OR2L13: variants seen among roughly 807,000 people sequenced by gnomAD.
OR2L13 encodes olfactory receptor family 2 subfamily L member 13.
A neutral mutation model predicts 15.3 loss-of-function variants in OR2L13; 14 were observed. That is an observed-to-expected ratio of 0.91 (90% CI 0.60 to 1.43). The LOEUF (loss-of-function observed/expected upper bound fraction) is 1.43, where lower values mean the gene tolerates loss of function less well. Among genes scored for constraint, OR2L13 ranks in the 40% most tolerant of loss-of-function variants. The pLI, the probability that OR2L13 is intolerant of heterozygous loss-of-function variation, is 0.00. For synonymous variants in OR2L13, 152 were observed against 142.9 expected (o/e 1.06, Z -0.45); for missense variants, 367 against 387.9 (o/e 0.95, Z 0.45).
the OR2L13 span, chr1:247,949,750 G>A: frequency 1.9e-6 from 3 of 1,613,198 alleles, no homozygotes; most frequent in African/African-American, 2.7e-5. Context: ...GAGGTGATGG[G>A]GGCCCTGACA....
the OR2L13 span, among the ~76,000 whole-genome samples, chr1:247,956,383 C>T: frequency 3.3e-5 from 5 of 151,604 alleles, no homozygotes; most frequent in South Asian, 2.1e-4. Flanking sequence ...AGCGTGATGC[C>T]TCCAGCTTTG....
At chr1:248,061,884 T>G in the OR2L13 span, 1 of 302,508 alleles carries the variant, frequency 3.3e-6, no homozygotes, top group Non-Finnish European at 6.1e-6. Context: ...TTTTTGTTTT[T>G]GGTCATGCAG....
At chr1:248,099,362 A>G in exon 3 of OR2L13, 2 of 1,556,296 alleles carry the variant, frequency 1.3e-6, no homozygotes, top group Non-Finnish European at 1.8e-6. Context: ...CAACAGTTAC[A>G]GCAGAAAGTT....
upstream of OR2L13, among the ~76,000 whole-genome samples, chr1:248,091,352 T>G (rs1209276581): frequency 6.6e-6 from 1 of 152,316 alleles, no homozygotes; most frequent in Non-Finnish European, 1.5e-5. Flanking sequence ...TTGTAAAATC[T>G]TTGCCAGGTC....
At chr1:248,086,464 A>G in the OR2L13 span, among the ~76,000 whole-genome samples, 1 of 152,212 alleles carries the variant, frequency 6.6e-6, no homozygotes, top group Non-Finnish European at 1.5e-5. Context: ...ATATGGTTAT[A>G]GATGAGACTT....
At chr1:247,942,431 G>C in the OR2L13 span, among the ~76,000 whole-genome samples, 1 of 152,110 alleles carries the variant, frequency 6.6e-6, no homozygotes. Flanking sequence ...TACCGAGCTT[G>C]TCTGAGAAAC....
chr1:247,983,221 G>C, the OR2L13 span, among the ~76,000 whole-genome samples: 5,901 of 152,174 alleles, frequency 0.039, 348 homozygotes, highest in African/African-American at 0.13. Context: ...TTGTTATTAG[G>C]ATTAAATCTA....
At chr1:248,074,793 C>A in the OR2L13 span, among the ~76,000 whole-genome samples, 6 of 152,080 alleles carry the variant, frequency 3.9e-5, no homozygotes, top group Non-Finnish European at 8.8e-5. Context: ...TACCATTTAA[C>A]AAAACTGCAC....
exon 3 of OR2L13, chr1:248,099,795 T>C (rs1240263424): frequency 6.2e-7 from 1 of 1,614,132 alleles, no homozygotes; most frequent in Admixed American, 1.7e-5. Context: ...AAATGATGTG[T>C]GTGAAGATGA....
At chr1:248,087,063 C>A in the OR2L13 span, among the ~76,000 whole-genome samples, 1 of 152,100 alleles carries the variant, frequency 6.6e-6, no homozygotes, top group Non-Finnish European at 1.5e-5. Flanking sequence ...GATCACTGTT[C>A]TGGAACATTA....
chr1:248,043,021 A>G, the OR2L13 span, among the ~76,000 whole-genome samples: 7 of 152,194 alleles, frequency 4.6e-5, no homozygotes, highest in Non-Finnish European at 1.0e-4. Flanking sequence ...GCAGTTTCCA[A>G]TATGTGCTTG....
the OR2L13 span, among the ~76,000 whole-genome samples, chr1:248,010,741 T>C: frequency 6.6e-6 from 1 of 150,696 alleles, no homozygotes; most frequent in Admixed American, 6.6e-5. Context: ...GAGACTAAGA[T>C]TGCAAATACT....
chr1:247,952,562 C>A, the OR2L13 span, among the ~76,000 whole-genome samples: 1 of 152,162 alleles, frequency 6.6e-6, no homozygotes, highest in East Asian at 1.9e-4. Context: ...CAAGATTTCT[C>A]CAGACACTGA....
At chr1:248,071,451 A>C in the OR2L13 span, among the ~76,000 whole-genome samples, 1 of 152,220 alleles carries the variant, frequency 6.6e-6, no homozygotes, top group Non-Finnish European at 1.5e-5. Flanking sequence ...AACTCTCAAT[A>C]AATTAGGTAT....
the OR2L13 span, among the ~76,000 whole-genome samples, chr1:248,069,403 G>A: frequency 3.9e-5 from 6 of 152,186 alleles, no homozygotes; most frequent in East Asian, 5.8e-4. Flanking sequence ...GAAATAAAAT[G>A]CTTTACAGAC....
the OR2L13 span, chr1:248,060,902 C>T: frequency 6.2e-7 from 1 of 1,613,940 alleles, no homozygotes; most frequent in Non-Finnish European, 8.5e-7. Context: ...AATTACATCT[C>T]CACCATTGTT....
chr1:248,053,980 T>C, the OR2L13 span, among the ~76,000 whole-genome samples: 60 of 152,298 alleles, frequency 3.9e-4, no homozygotes, highest in African/African-American at 1.4e-3. Flanking sequence ...CATTTGTCAA[T>C]TTTTGCTATT....
the OR2L13 span, among the ~76,000 whole-genome samples, chr1:248,077,730 G>A: frequency 6.6e-6 from 1 of 152,184 alleles, no homozygotes; most frequent in South Asian, 2.1e-4. Flanking sequence ...CTGTTAAAGG[G>A]AGATTAGAAG....
the OR2L13 span, chr1:248,024,161 A>G: frequency 6.6e-6 from 1 of 152,100 alleles, no homozygotes; most frequent in Non-Finnish European, 1.5e-5. Context: ...CCGTCATCTA[A>G]GTTTTAAGCC....
Sources: gnomAD v4.1 joint callset for allele counts (sites outside exome capture counted in the v4.1 genomes callset) on GRCh38, gnomAD v4.1.1 for gene constraint, MANE v1.5 for transcripts, NCBI Gene and HGNC (gene_info 2026-07-23, HGNC 2026-07-21) for gene names.